Variants in ADAM12 observed in about 807,000 individuals in gnomAD.
ADAM12 encodes the protein disintegrin and metalloproteinase domain-containing protein 12.
A neutral mutation model predicts 106.4 loss-of-function variants in ADAM12; 70 were observed. That is an observed-to-expected ratio of 0.66 (90% CI 0.54 to 0.80). The LOEUF (loss-of-function observed/expected upper bound fraction) is 0.80, where lower values mean the gene tolerates loss of function less well. Ranked by LOEUF, ADAM12 falls within the 30% of genes least tolerant of loss-of-function variation. ADAM12 has a pLI of 0.00. For synonymous variants in ADAM12, 420 were observed against 433.5 expected, an observed-to-expected ratio of 0.97 and a Z score of 0.39; for missense variants, 1,010 against 1,171.9, an observed-to-expected ratio of 0.86 and a Z score of 2.02.
In ADAM12 at chr10:126,118,034, T is replaced by A; in HGVS notation, c.603+4A>T. 1.2e-6 allele frequency: 2 copies of A among 1,614,012 alleles called. No homozygotes were observed. The highest frequency in any genetic ancestry group is 1.7e-6 in the Non-Finnish European group (2 of 1,179,884). On this transcript the variant is annotated splice_donor_region_variant and intron_variant, in intron 6 of 22. Transcript: ENST00000448723. The stretch of plus-strand genomic sequence containing the variant: ...AGAAACACAAAATCAGGTATCCCCC[T>A]TACCCTTCTTGCCCATGTCTGAGAG...
intron 22 of ADAM12, among the ~76,000 whole-genome samples, chr10:126,018,462 CA>C (rs1456456802): frequency 1.3e-5 from 2 of 152,158 alleles, no homozygotes; most frequent in African/African-American, 4.8e-5. Context: ...GAGATGCAGG[CA>C]GCTACCATGA....
rs1710314 is a variant in ADAM12, at chr10:126,046,011, A to G, written c.1995+44T>C. The G allele has an allele frequency of 1.8e-3, 2,780 of 1,549,274 alleles. 34 individuals are homozygous for G. The African/African-American group carries it at 0.032, about 18-fold the overall frequency. ...TTACAAATGAATGTATTATTACTTAACTTGTTATGGGCTGGCTGTAAAAGG... is the reference window on the plus strand; with the variant it reads ...TTACAAATGAATGTATTATTACTTAGCTTGTTATGGGCTGGCTGTAAAAGG... On this transcript the variant is annotated intron_variant, in intron 17 of 22. Transcript: ENST00000448723.
At chr10:126,320,242 G>C (rs1281677606) in intron 2 of ADAM12, among the ~76,000 whole-genome samples, 1 of 152,216 alleles carries the variant, frequency 6.6e-6, no homozygotes, top group Non-Finnish European at 1.5e-5. Context: ...AACAATGCAT[G>C]TCTTCCTCAC....
intron 3 of ADAM12, among the ~76,000 whole-genome samples, chr10:126,193,164 C>G (rs1472154417): frequency 6.9e-6 from 1 of 145,236 alleles, no homozygotes. Flanking sequence ...ATTCAGGAGG[C>G]TGAGGCAAGA....
At chr10:126,358,109 G>C (rs867737711) in intron 1 of ADAM12, among the ~76,000 whole-genome samples, 4 of 151,298 alleles carry the variant, frequency 2.6e-5, no homozygotes, top group African/African-American at 9.7e-5. Context: ...ACCCCGGGGG[G>C]TGGAACCTGC....
chr10:126,346,468 C>A (rs569129762), intron 1 of ADAM12, among the ~76,000 whole-genome samples: 1 of 152,042 alleles, frequency 6.6e-6, no homozygotes, highest in Non-Finnish European at 1.5e-5. Flanking sequence ...GGAATAAGTG[C>A]GATGTGGTGC....
chr10:126,100,063 C>T (rs991644997), intron 9 of ADAM12, among the ~76,000 whole-genome samples: 3 of 152,004 alleles, frequency 2.0e-5, no homozygotes, highest in Non-Finnish European at 4.4e-5. Context: ...AGTTTATCAT[C>T]TTCCAGTTGA....
chr10:126,019,962 C>T, intron 21 of ADAM12, 137 bp from the exon 22 acceptor site: 1 of 1,088,902 alleles, frequency 9.2e-7, no homozygotes, highest in Non-Finnish European at 1.3e-6. Context: ...TGGAGGCTGA[C>T]CTCTGTTAAT....
At chr10:126,168,934 T>C (rs1957071993) in intron 3 of ADAM12, among the ~76,000 whole-genome samples, 1 of 151,952 alleles carries the variant, frequency 6.6e-6, no homozygotes, top group African/African-American at 2.4e-5. Context: ...GTGCCTGTAA[T>C]CCCAGCTACT....
intron 3 of ADAM12, among the ~76,000 whole-genome samples, chr10:126,198,470 C>T (rs1957639208): frequency 6.6e-6 from 1 of 152,214 alleles, no homozygotes; most frequent in African/African-American, 2.4e-5. Flanking sequence ...ATTTCACCGG[C>T]TCTTGCAGTG....
intron 3 of ADAM12, among the ~76,000 whole-genome samples, chr10:126,170,852 T>C (rs531208156): frequency 6.6e-6 from 1 of 152,316 alleles, no homozygotes; most frequent in Non-Finnish European, 1.5e-5. Flanking sequence ...ATTTACTATC[T>C]GATCAGCAAC....
At chr10:126,094,641 G>C (rs1045388204) in intron 10 of ADAM12, among the ~76,000 whole-genome samples, 1 of 152,214 alleles carries the variant, frequency 6.6e-6, no homozygotes, top group Non-Finnish European at 1.5e-5. Flanking sequence ...CTGTGTGCTT[G>C]GTCGGGGAGG....
intron 3 of ADAM12, among the ~76,000 whole-genome samples, chr10:126,260,466 A>C (rs184229111): frequency 2.0e-5 from 3 of 152,226 alleles, no homozygotes; most frequent in African/African-American, 7.2e-5. Context: ...GCTGCTCTTC[A>C]TCTGCTTCTT....
In ADAM12 at chr10:126,349,729, C is replaced by T. The variant is rs542399219; in HGVS notation, c.89-19220G>A. On this transcript the variant is annotated intron_variant, in intron 1 of 22. Transcript: ENST00000448723. Reference sequence around the variant, plus strand: ...TTTGATGAACTTTCAACGTCCCTTACAGCCTCAACAATCCGCATATCTCTT... The same window carrying T: ...TTTGATGAACTTTCAACGTCCCTTATAGCCTCAACAATCCGCATATCTCTT... 7.9e-5 allele frequency among the ~76,000 whole-genome samples: 12 copies of T among 152,348 alleles called. No individual in the cohort carries two copies. The East Asian group carries it at 1.5e-3, about 20-fold the overall frequency.
At chr10:126,035,644 T>C (rs1325532236) in intron 21 of ADAM12, among the ~76,000 whole-genome samples, 1 of 152,196 alleles carries the variant, frequency 6.6e-6, no homozygotes, top group African/African-American at 2.4e-5. Flanking sequence ...CAGAAATGGT[T>C]ACTTCCAAAA....
chr10:126,225,659 GA>G lies in ADAM12; in HGVS notation c.260+53255del, dbSNP rs199886154. Among the ~76,000 whole-genome samples the G allele has an allele frequency of 2.0e-3, 311 of 152,322 alleles. 1 individual carries two copies. The highest frequency in any genetic ancestry group is 0.014 in the East Asian group (71 of 5,176). On this transcript the variant is annotated intron_variant, in intron 3 of 22. Coordinates refer to ENST00000448723, the MANE Select transcript of ADAM12 (RefSeq NM_001288973.2). Reference sequence around the variant, plus strand: ...GGCCTGGATTCCCCTTCACAAAGCAGACTGACCTGGTCAGCCACTCCGATAA... The same window carrying G: ...GGCCTGGATTCCCCTTCACAAAGCAGCTGACCTGGTCAGCCACTCCGATAA...
intron 5 of ADAM12, among the ~76,000 whole-genome samples, chr10:126,121,174 CTAT>C (rs1956097024): frequency 1.1e-5 from 1 of 94,274 alleles, no homozygotes; most frequent in Non-Finnish European, 1.8e-5. Flanking sequence ...ACTATATATA[CTAT>C]ATACACTATA....
At chr10:126,044,126 A>AT (rs1954252402) in intron 17 of ADAM12, among the ~76,000 whole-genome samples, 1 of 151,990 alleles carries the variant, frequency 6.6e-6, no homozygotes, top group Non-Finnish European at 1.5e-5. Context: ...TATTTAATAT[A>AT]TTTTTTTCTA....
intron 3 of ADAM12, among the ~76,000 whole-genome samples, chr10:126,166,412 CT>C (rs34928324): frequency 0.15 from 22,570 of 152,206 alleles, 2,126 homozygotes; most frequent in South Asian, 0.3. Context: ...AGGCTTTGGG[CT>C]GTTTTCTCCC....
Sources: gnomAD v4.1 joint callset for allele counts (sites outside exome capture counted in the v4.1 genomes callset) on GRCh38, gnomAD v4.1.1 for gene constraint, MANE v1.5 for transcripts, NCBI Gene and HGNC (gene_info 2026-07-23, HGNC 2026-07-21) for gene names.